DNAJC10: variants seen among roughly 807,000 people sequenced by gnomAD.
DNAJC10 encodes the protein DnaJ heat shock protein family (Hsp40) member C10, also known as endoplasmic reticulum disulfide reductase DNAJC10.
A neutral mutation model predicts 115.0 loss-of-function variants in DNAJC10; 101 were observed. The observed-to-expected ratio is 0.88, with a 90% CI of 0.75 to 1.04. DNAJC10 has a LOEUF of 1.04. Ranked by LOEUF, DNAJC10 falls within the 50% of genes least tolerant of loss-of-function variation. DNAJC10 has a pLI of 0.00. For missense variants in DNAJC10, 981 were observed against 928.8 expected (o/e 1.06, Z -0.73); for synonymous variants, 307 against 301.5 (o/e 1.02, Z -0.19).
chr2:182,752,692 T>C (rs901598967), intron 16 of DNAJC10: 1 of 323,210 alleles, frequency 3.1e-6, no homozygotes, highest in Non-Finnish European at 4.3e-6. Flanking sequence ...GTACGTAATA[T>C]CACGTATAAA....
intron 23 of DNAJC10, among the ~76,000 whole-genome samples, chr2:182,775,948 G>A (rs1694694445): frequency 1.3e-5 from 2 of 152,264 alleles, no homozygotes; most frequent in South Asian, 4.1e-4. Context: ...GGCCGAAGTG[G>A]AGTGGGATAG....
chr2:182,730,923 G>GCTT (rs1693427772), intron 8 of DNAJC10, 107 bp from the exon 9 acceptor site: 1 of 683,208 alleles, frequency 1.5e-6, no homozygotes, highest in Non-Finnish European at 2.5e-6. Context: ...ACTCAGAGTG[G>GCTT]ATTAGAAGAG....
At position 182,792,552 on chromosome 2, in the gene DNAJC10, C is replaced by T. The variant is rs288300; in HGVS notation, c.*15420C>T. On this transcript the variant is annotated 3_prime_UTR_variant, in exon 24 of 24. Transcript: ENST00000264065. ...GTTTGAAAGAACACCTCTTTGCTCC[C>T]CACAGATTACAGACCTATTGGCTTA... The T allele has an allele frequency of 0.64, 96,927 of 151,602 alleles. 31,252 individuals are homozygous for T. Among genetic ancestry groups the T allele is most frequent in the Middle Eastern group, 0.73 (213 of 292 alleles). The allele number at this position is 151,602 out of a possible 1,614,324, so 9.4% of individuals were successfully genotyped here.
intron 10 of DNAJC10, among the ~76,000 whole-genome samples, chr2:182,733,465 C>T: frequency 6.6e-6 from 1 of 151,414 alleles, no homozygotes; most frequent in Non-Finnish European, 1.5e-5. Context: ...TCCCCCAGAC[C>T]AATTAAATCA....
At chr2:182,739,476 A>T in intron 11 of DNAJC10, 1 of 1,100,912 alleles carries the variant, frequency 9.1e-7, no homozygotes, top group Non-Finnish European at 1.2e-6. Flanking sequence ...ACATATATTA[A>T]ACTCTGTTTT....
chr2:182,748,569 T>G (rs1398847762), intron 14 of DNAJC10, among the ~76,000 whole-genome samples: 1 of 152,220 alleles, frequency 6.6e-6, no homozygotes, highest in African/African-American at 2.4e-5. Context: ...GTGGGATTGG[T>G]GGTGATATCC....
In DNAJC10 at chr2:182,751,784, C is replaced by A. The variant is rs1374315433; in HGVS notation, c.1433C>A (p.Pro478His). 2 of 1,611,356 alleles carry A rather than the reference C, an allele frequency of 1.2e-6. No homozygotes were observed. Among genetic ancestry groups the A allele is most frequent in the Non-Finnish European group, 8.5e-7 (1 of 1,179,484 alleles). The change falls in exon 15 of 24, where the codon CCC becomes CAC. Residue 478 changes from proline (P) to histidine (H), a missense_variant and splice_region_variant. Coordinates refer to ENST00000264065, the MANE Select transcript of DNAJC10 (RefSeq NM_018981.4). ...CCATGGCTTGTTGATTTCTTTGCCC[C>A]CGTAAGTTATTTTTATCTGTCAGAT... ...KEPWLVDFFA[P>H]WCPPCRALLP...
chr2:182,721,987 G>C, intron 4 of DNAJC10, 38 bp from the exon 5 acceptor site: 1 of 1,226,304 alleles, frequency 8.2e-7, no homozygotes, highest in African/African-American at 1.6e-5. Context: ...ATATGGTGAA[G>C]TTTTGATTTT....
chr2:182,751,968 C>T (rs926017582), intron 15 of DNAJC10, 104 bp from the exon 16 acceptor site: 31 of 1,223,068 alleles, frequency 2.5e-5, no homozygotes, highest in Non-Finnish European at 2.5e-5. Flanking sequence ...AGGTTTGCCG[C>T]TAAGTACAGT....
chr2:182,759,819 C>G (rs1186478104), intron 21 of DNAJC10, among the ~76,000 whole-genome samples: 1 of 152,082 alleles, frequency 6.6e-6, no homozygotes, highest in Non-Finnish European at 1.5e-5. Flanking sequence ...ATCTGTGCAG[C>G]TCAGGCCTCA....
intron 3 of DNAJC10, among the ~76,000 whole-genome samples, chr2:182,719,378 T>G (rs1420598999): frequency 1.3e-5 from 2 of 149,684 alleles, no homozygotes; most frequent in Non-Finnish European, 3.0e-5. Context: ...CTCACCCTCC[T>G]GAGTAGCTGG....
chr2:182,736,962 C>T, intron 11 of DNAJC10, among the ~76,000 whole-genome samples: 1 of 152,150 alleles, frequency 6.6e-6, no homozygotes, highest in Non-Finnish European at 1.5e-5. Context: ...GTTGGCCAGG[C>T]TGGTCTTGAA....
At chr2:182,744,450 T>C (rs756279645) in intron 14 of DNAJC10, among the ~76,000 whole-genome samples, 10 of 152,160 alleles carry the variant, frequency 6.6e-5, no homozygotes, top group South Asian at 4.1e-4. Context: ...TTAATGGTCA[T>C]TGTATATTAA....
chr2:182,739,210 ATATATATAATATCTCATATATATT>A (rs1433510199), intron 11 of DNAJC10, among the ~76,000 whole-genome samples: 14 of 144,616 alleles, frequency 9.7e-5, no homozygotes, highest in Admixed American at 4.8e-4. Flanking sequence ...ATATATATTT[ATATATATAATATCTCATATATATT>A]TATATATATA....
intron 19 of DNAJC10, 108 bp from the exon 20 acceptor site, chr2:182,758,729 A>G: frequency 2.6e-6 from 2 of 780,970 alleles, no homozygotes; most frequent in Non-Finnish European, 2.2e-6. Context: ...ATACCAGATG[A>G]AATCAATCAA....
rs1695020928 is a variant in DNAJC10, at chr2:182,789,996, C to T, written c.*12864C>T. ...CTCATACCATGCTTTGTATTACTTTCCCATTTGGATGCCCTTTTCATCCTT... is the reference window on the plus strand; with the variant it reads ...CTCATACCATGCTTTGTATTACTTTTCCATTTGGATGCCCTTTTCATCCTT... On this transcript the variant is annotated 3_prime_UTR_variant, in exon 24 of 24. Transcript: ENST00000264065. 1 of 152,142 alleles carries T rather than the reference C, an allele frequency of 6.6e-6. No individual in the cohort carries two copies. The highest frequency in any genetic ancestry group is 6.5e-5 in the Admixed American group (1 of 15,272). The allele number at this position is 152,142 out of a possible 1,614,324, so 9.4% of individuals were successfully genotyped here. A position where few individuals can be genotyped will look rare whatever the true frequency, so the allele number is the denominator to read the frequency against.
chr2:182,756,747 C>T (rs1008117512), intron 18 of DNAJC10, among the ~76,000 whole-genome samples: 2 of 151,864 alleles, frequency 1.3e-5, no homozygotes, highest in African/African-American at 4.8e-5. Context: ...CTCGGCTCAC[C>T]GCAACCTCAA....
intron 22 of DNAJC10, 120 bp downstream of exon 22, chr2:182,762,921 T>A: frequency 8.8e-7 from 1 of 1,137,654 alleles, no homozygotes; most frequent in Non-Finnish European, 1.2e-6. Context: ...TATTATTACA[T>A]ATTACTGATA....
intron 5 of DNAJC10, among the ~76,000 whole-genome samples, chr2:182,725,907 A>G (rs969353132): frequency 6.6e-6 from 1 of 152,286 alleles, no homozygotes; most frequent in South Asian, 2.1e-4. Context: ...CACCATATCC[A>G]TTCTGCAGCC....
Sources: gnomAD v4.1 joint callset for allele counts (sites outside exome capture counted in the v4.1 genomes callset) on GRCh38, gnomAD v4.1.1 for gene constraint, MANE v1.5 for transcripts, NCBI Gene and HGNC (gene_info 2026-07-23, HGNC 2026-07-21) for gene names.